Variants in CTSC observed in about 807,000 individuals in gnomAD.
The protein encoded by CTSC is cathepsin C, also known as dipeptidyl peptidase 1.
In CTSC, 37 loss-of-function variants were observed where a neutral mutation model predicts 40.9. The observed-to-expected ratio is 0.91, with a 90% CI of 0.70 to 1.19. The LOEUF is 1.19. Ranked by LOEUF, CTSC falls within the 50% of genes most tolerant of loss-of-function variation. The pLI is 0.00. For synonymous variants in CTSC, 232 were observed against 207.4 expected, an observed-to-expected ratio of 1.12 and a Z score of -1.02; for missense variants, 594 against 567.3, an observed-to-expected ratio of 1.05 and a Z score of -0.48.
At chr11:88,329,375 T>C (rs1396616356) in intron 2 of CTSC, among the ~76,000 whole-genome samples, 2 of 138,270 alleles carry the variant, frequency 1.4e-5, no homozygotes, top group African/African-American at 2.7e-5. Context: ...CAATCTACTC[T>C]GGAGGCTGAG....
At chr11:88,334,552 T>C (rs568853103) in intron 2 of CTSC, among the ~76,000 whole-genome samples, 35 of 152,300 alleles carry the variant, frequency 2.3e-4, no homozygotes, top group African/African-American at 8.2e-4. Context: ...AAGGACAGCA[T>C]AGTAACTGCA....
chr11:88,327,821 G>T, intron 2 of CTSC: 1 of 401,846 alleles, frequency 2.5e-6, no homozygotes, highest in South Asian at 2.4e-5. Context: ...TTTTTTAGCT[G>T]GGTCTTTACC....
chr11:88,321,968 T>C (rs1219823156), intron 2 of CTSC: 1 of 152,208 alleles, frequency 6.6e-6, no homozygotes, highest in Non-Finnish European at 1.5e-5. Flanking sequence ...TGAGATGGTA[T>C]CTCATTGTGA....
chr11:88,296,413 A>AT, intron 5 of CTSC, 149 bp from the exon 6 acceptor site: 1 of 915,792 alleles, frequency 1.1e-6, no homozygotes, highest in Non-Finnish European at 1.7e-6. Context: ...TCAACTAACA[A>AT]GCATTGTTGA....
At chr11:88,316,373 C>A (rs1354632835) in intron 2 of CTSC, among the ~76,000 whole-genome samples, 1 of 151,912 alleles carries the variant, frequency 6.6e-6, no homozygotes, top group Non-Finnish European at 1.5e-5. Flanking sequence ...CTTTGGAACG[C>A]CGAGGTTGGG....
chr11:88,315,477 A>G (rs944982254), intron 2 of CTSC, among the ~76,000 whole-genome samples: 12 of 152,260 alleles, frequency 7.9e-5, no homozygotes, highest in African/African-American at 1.9e-4. Context: ...GAAAGGGGTG[A>G]GCAAACTAAA....
chr11:88,331,862 G>T (rs1319512604), intron 2 of CTSC, among the ~76,000 whole-genome samples: 1 of 152,142 alleles, frequency 6.6e-6, no homozygotes, highest in African/African-American at 2.4e-5. Context: ...AGGAGGGTAG[G>T]AGAAGATCAG....
chr11:88,314,556 C>T (rs144935688), intron 2 of CTSC, among the ~76,000 whole-genome samples: 345 of 152,204 alleles, frequency 2.3e-3, no homozygotes, highest in African/African-American at 7.8e-3. Flanking sequence ...CAGACAGAGT[C>T]TCACTCTGTT....
intron 3 of CTSC, among the ~76,000 whole-genome samples, chr11:88,310,942 G>T (rs1565255781): frequency 6.6e-6 from 1 of 152,164 alleles, no homozygotes; most frequent in Non-Finnish European, 1.5e-5. Context: ...AACCTCGTGT[G>T]TTGACATGTG....
At chr11:88,317,262 C>T (rs910393812) in intron 2 of CTSC, among the ~76,000 whole-genome samples, 5 of 152,194 alleles carry the variant, frequency 3.3e-5, no homozygotes, top group Non-Finnish European at 5.9e-5. Flanking sequence ...CCACCACGGC[C>T]AGCCTTCTTA....
intron 5 of CTSC, 33 bp from the exon 6 acceptor site, chr11:88,296,297 G>A (rs1316160981): frequency 3.1e-6 from 5 of 1,612,010 alleles, no homozygotes; most frequent in Admixed American, 1.7e-5. Flanking sequence ...TAATCCAAGA[G>A]ACATCTGAAG....
chr11:88,329,180 T>TAGA (rs10632034), intron 2 of CTSC, among the ~76,000 whole-genome samples: 117,411 of 151,604 alleles, frequency 0.77, 45,709 homozygotes, highest in East Asian at 1. Flanking sequence ...TGAGAAACAG[T>TAGA]AGGTTAGAAA....
In CTSC at chr11:88,294,178, A is replaced by C. The variant is rs760005234; in HGVS notation, c.1220T>G (p.Val407Gly). ...GTCAGTGCCATAGCCCACAAGCAGA[A>C]CAGCATGATTAGTCAGCTCAAAGGG... ...FNPFELTNHA[V>G]LLVGYGTDSA... Residue 407 changes from valine to glycine, a missense_variant, in exon 7 of 7, where the codon GTT becomes GGT. Coordinates refer to ENST00000227266, the MANE Select transcript of CTSC (RefSeq NM_001814.6). 6.2e-7 allele frequency: 1 copy of C among 1,613,976 alleles called. No individual in the cohort carries two copies. The highest frequency in any genetic ancestry group is 8.5e-7 in the Non-Finnish European group (1 of 1,180,006).
At chr11:88,310,770 A>T (rs1937737089) in intron 3 of CTSC, among the ~76,000 whole-genome samples, 1 of 152,236 alleles carries the variant, frequency 6.6e-6, no homozygotes. Context: ...AAAACAAGTT[A>T]TAGTTGTTTC....
Position 88,293,924 on chromosome 11 carries a change from T to C in CTSC, c.*82A>G. ...TCTATTTGTAAGCTTCTGAGATTGC[T>C]GCTGAAAGTCTACAGTCTGTGAATA... On this transcript the variant is annotated 3_prime_UTR_variant, in exon 7 of 7. Transcript: ENST00000227266. 1 of 1,451,268 alleles carries C rather than the reference T, an allele frequency of 6.9e-7. No homozygotes were observed. Among genetic ancestry groups the C allele is most frequent in the Non-Finnish European group, 9.6e-7 (1 of 1,040,636 alleles). 89.9% of individuals were successfully genotyped at this position (1,451,268 alleles called of 1,614,324 possible).
chr11:88,319,163 A>G (rs1937942725), intron 2 of CTSC, among the ~76,000 whole-genome samples: 1 of 152,214 alleles, frequency 6.6e-6, no homozygotes, highest in Non-Finnish European at 1.5e-5. Context: ...GTAGTTTAAA[A>G]TATACTTGCA....
At position 88,337,729 on chromosome 11, in the gene CTSC, C is replaced by G. The variant is rs186343021; in HGVS notation, c.-57G>C. 1.6e-5 allele frequency: 25 copies of G among 1,543,920 alleles called. No homozygotes were observed. Among genetic ancestry groups the G allele is most frequent in the Admixed American group, 1.2e-4 (6 of 51,002 alleles). On this transcript the variant is annotated 5_prime_UTR_variant, in exon 1 of 7. Transcript: ENST00000227266. ...TTACCAGGAAGCCGAGCGCTGCGGG[C>G]TAGCGGTGAGTCCACCACGAGGCGC...
chr11:88,330,175 G>T (rs1938311150), intron 2 of CTSC, among the ~76,000 whole-genome samples: 2 of 152,144 alleles, frequency 1.3e-5, no homozygotes, highest in Admixed American at 1.3e-4. Flanking sequence ...ATTTGAATTT[G>T]AATGCCTCTA....
chr11:88,315,563 A>G (rs1390983748), intron 2 of CTSC, among the ~76,000 whole-genome samples: 1 of 152,182 alleles, frequency 6.6e-6, no homozygotes, highest in Non-Finnish European at 1.5e-5. Flanking sequence ...TACATTGTCT[A>G]TGGCTACTTT....
Sources: gnomAD v4.1 joint callset for allele counts (sites outside exome capture counted in the v4.1 genomes callset) on GRCh38, gnomAD v4.1.1 for gene constraint, MANE v1.5 for transcripts, NCBI Gene and HGNC (gene_info 2026-07-23, HGNC 2026-07-21) for gene names.